Variants in KMT2C observed in about 807,000 individuals in gnomAD.
KMT2C encodes lysine methyltransferase 2C, also known as histone-lysine N-methyltransferase 2C.
KMT2C carries 88 observed loss-of-function variants against 507.9 expected under a neutral mutation model. The observed-to-expected ratio is 0.17, with a 90% CI of 0.15 to 0.21. The LOEUF is 0.21. Ranked by LOEUF, KMT2C falls within the 10% of genes least tolerant of loss-of-function variation. The probability of loss-of-function intolerance (pLI) is 1.00; values close to 1 mark genes in which losing one functional copy is unlikely to be tolerated. For synonymous variants in KMT2C, 2,049 were observed against 2,080.8 expected (o/e 0.98, Z 0.42); for missense variants, 4,954 against 5,957.8 (o/e 0.83, Z 5.55).
At position 152,154,166 on chromosome 7, in the gene KMT2C, A is replaced by G; in HGVS notation, c.12140-20T>C. The G allele has an allele frequency of 6.2e-7, 1 of 1,612,746 alleles. No individual in the cohort carries two copies. Among genetic ancestry groups the G allele is most frequent in the Middle Eastern group, 1.7e-4 (1 of 6,050 alleles). On this transcript the variant is annotated intron_variant, in intron 47 of 58. Coordinates refer to ENST00000262189, the MANE Select transcript of KMT2C (RefSeq NM_170606.3). ...CTGAACCTTTAAAAAGAGAGAAAAAAAAGAGGAAAATAGTGTTAATGGATT... is the reference window on the plus strand; with the variant it reads ...CTGAACCTTTAAAAAGAGAGAAAAAGAAGAGGAAAATAGTGTTAATGGATT...
chr7:152,219,981 C>CAACAGAGCAAGACCCTGT (rs1212787803), intron 23 of KMT2C: 1 of 151,270 alleles, frequency 6.6e-6, no homozygotes, highest in East Asian at 1.9e-4. Context: ...CTAACCTGGG[C>CAACAGAGCAAGACCCTGT]AACAGAGCAA....
In KMT2C at chr7:152,282,234, C is replaced by T. The variant is rs79481096; in HGVS notation, c.850-8367G>A. ...ATCGCTTGAACCCAAGAGGTGGAGG[C>T]TGCAGTGAGCCAAGATTGCGCCACT... is the stretch of plus-strand genomic sequence containing the variant. On this transcript the variant is annotated intron_variant, in intron 6 of 58. Transcript: ENST00000262189. Among the ~76,000 whole-genome samples, 97 of 141,902 alleles carry T rather than the reference C, an allele frequency of 6.8e-4. 1 individual carries two copies. Among genetic ancestry groups the T allele is most frequent in the African/African-American group, 1.8e-3 (71 of 38,848 alleles). The allele number at this position is 141,902 out of a possible 152,430, so 93.1% of individuals were successfully genotyped here. A position where few individuals can be genotyped will look rare whatever the true frequency, so the allele number is the denominator to read the frequency against.
At position 152,220,542 on chromosome 7, in the gene KMT2C, A is replaced by G. The variant is rs138143957; in HGVS notation, c.3693T>C (p.Gly1231=). The G allele has an allele frequency of 3.8e-5, 61 of 1,609,460 alleles. No individual in the cohort carries two copies. The highest frequency in any genetic ancestry group is 5.1e-5 in the Non-Finnish European group (60 of 1,177,600). ...TATTACCTCGACTATCATCCATTTC[A>G]CCATCCCTTGAATGCTCTGATTGGA... ...PDIQSEHSRD[G]EMDDSREGEL... Residue 1231 remains glycine (G), a synonymous_variant, in exon 23 of 59, where the codon GGT becomes GGC. Coordinates refer to ENST00000262189, the MANE Select transcript of KMT2C (RefSeq NM_170606.3).
chr7:152,228,029 G>C (rs549981660), intron 18 of KMT2C, among the ~76,000 whole-genome samples: 1 of 152,262 alleles, frequency 6.6e-6, no homozygotes, highest in East Asian at 1.9e-4. Flanking sequence ...GTTAAAACAA[G>C]TTTAAATAAT....
At chr7:152,149,294 G>T in intron 51 of KMT2C, 142 bp from the exon 52 acceptor site, 1 of 680,012 alleles carries the variant, frequency 1.5e-6, no homozygotes, top group Non-Finnish European at 2.2e-6. Context: ...AGTAAGTGCT[G>T]GGGGCTCATG....
chr7:152,375,086 A>G (rs2097318163), intron 1 of KMT2C, among the ~76,000 whole-genome samples: 1 of 152,210 alleles, frequency 6.6e-6, no homozygotes, highest in Admixed American at 6.5e-5. Flanking sequence ...TCTGCTGCCC[A>G]AACTGGACTG....
intron 2 of KMT2C, among the ~76,000 whole-genome samples, chr7:152,344,015 T>C (rs962634384): frequency 6.6e-6 from 1 of 152,220 alleles, no homozygotes; most frequent in African/African-American, 2.4e-5. Context: ...TTTTTTCTTA[T>C]TAACTGATCT....
chr7:152,193,224 A>G (rs2093858903), intron 31 of KMT2C, among the ~76,000 whole-genome samples: 1 of 152,156 alleles, frequency 6.6e-6, no homozygotes, highest in Non-Finnish European at 1.5e-5. Flanking sequence ...GCCACCATGC[A>G]ACTCCATAAA....
rs2092579437 is a variant in KMT2C at position 152,163,701 on chromosome 7, T to C, written c.9876A>G (p.Pro3292=). The change falls in exon 43 of 59, where the codon CCA becomes CCG. Residue 3292 remains proline, a synonymous_variant. Transcript: ENST00000262189. ...GGCTCATGGTGGGTGGAGTGGCACC[T>C]GGAATTAGGGGTGGCTGGGGCTGGA... is the stretch of plus-strand genomic sequence containing the variant. ...PSVQPQPPLI[P]GATPPTMSQP... is the part of the protein sequence containing the mutation. 1 of 1,613,928 alleles carries C rather than the reference T, an allele frequency of 6.2e-7. No homozygotes were observed. Among genetic ancestry groups the C allele is most frequent in the African/African-American group, 1.3e-5 (1 of 74,886 alleles).
At chr7:152,342,833 C>A (rs1489073223) in intron 2 of KMT2C, among the ~76,000 whole-genome samples, 1 of 152,156 alleles carries the variant, frequency 6.6e-6, no homozygotes, top group Non-Finnish European at 1.5e-5. Flanking sequence ...ACAAGGCCTG[C>A]CTTCAGGAGA....
At chr7:152,373,772 AAG>A (rs1395169907) in intron 1 of KMT2C, among the ~76,000 whole-genome samples, 2 of 152,130 alleles carry the variant, frequency 1.3e-5, no homozygotes, top group East Asian at 1.9e-4. Context: ...CTGTAATAGA[AAG>A]AGATATCAAC....
Position 152,182,002 on chromosome 7 carries a change from C to G in KMT2C, c.5858G>C (p.Cys1953Ser), listed in dbSNP as rs191189760. The G allele has an allele frequency of 6.2e-7, 1 of 1,614,166 alleles. No homozygotes were observed. The highest frequency in any genetic ancestry group is 2.2e-5 in the East Asian group (1 of 44,882). Residue 1953 changes from cysteine (C) to serine (S), a missense_variant, in exon 36 of 59, where the codon TGT (cysteine) becomes TCT (serine). Around this residue, in one of 29 missense-constraint regions of KMT2C, gnomAD observed 1,689 missense variants for 1,654.3 expected, o/e 1.02. Transcript: ENST00000262189. ...GTCATTATTTGTCGTGGAAGAAGAACATAAATCTCTGACAGGGGATGGCCT... is the reference window on the plus strand; with the variant it reads ...GTCATTATTTGTCGTGGAAGAAGAAGATAAATCTCTGACAGGGGATGGCCT... ...ANRPSPVRDL[C>S]SSSTTNNDPY...
At chr7:152,281,097 G>T (rs545386100) in intron 6 of KMT2C, among the ~76,000 whole-genome samples, 13 of 152,062 alleles carry the variant, frequency 8.5e-5, no homozygotes, top group Admixed American at 5.9e-4. Context: ...GTCCCTAATA[G>T]CTATAATCTT....
Position 152,177,155 on chromosome 7 carries a change from C to T in KMT2C, c.8298G>A (p.Met2766Ile), listed in dbSNP as rs1029049751. 5 of 1,613,672 alleles carry T rather than the reference C, an allele frequency of 3.1e-6. No individual in the cohort carries two copies. The Admixed American group carries it at 6.7e-5, about 22-fold the overall frequency. ...IIAYTDPELD[M>I]GDKKSMFNEE... is the part of the protein sequence containing the mutation. Reference sequence around the variant, plus strand: ...CATTAAACATGCTTTTCTTATCTCCCATGTCAAGTTCTGGATCTGTATATG... The same window carrying T: ...CATTAAACATGCTTTTCTTATCTCCTATGTCAAGTTCTGGATCTGTATATG... Residue 2766 changes from methionine to isoleucine, a missense_variant, in exon 38 of 59, where the codon ATG becomes ATA. Transcript: ENST00000262189.
At chr7:152,230,510 T>G (rs572694775) in intron 16 of KMT2C, among the ~76,000 whole-genome samples, 189 bp from the exon 17 acceptor site, 3 of 152,304 alleles carry the variant, frequency 2.0e-5, no homozygotes, top group African/African-American at 7.2e-5. Flanking sequence ...CACCTAATTC[T>G]CTCTTTAGAG....
chr7:152,202,798 A>C, intron 26 of KMT2C, 136 bp downstream of exon 26: 1 of 714,006 alleles, frequency 1.4e-6, no homozygotes, highest in Non-Finnish European at 2.2e-6. Context: ...AAAGGTAAAA[A>C]TGGCATTTAT....
chr7:152,308,673 C>CAAAAAAAA lies in KMT2C; in HGVS notation c.849+1285_849+1292dup, dbSNP rs938826373. ...CTGCACAACACAGCAAAACTCCTCT[C>CAAAAAAAA]AAAAAAAAAAAAAAAAAAAAAAAAA... On this transcript the variant is annotated intron_variant, in intron 6 of 58. Transcript: ENST00000262189. 1.0e-3 allele frequency among the ~76,000 whole-genome samples: 25 copies of CAAAAAAAA among 24,566 alleles called. 3 individuals are homozygous for CAAAAAAAA. Among genetic ancestry groups the CAAAAAAAA allele is most frequent in the African/African-American group, 3.0e-3 (20 of 6,730 alleles). The allele number at this position is 24,566 out of a possible 152,430, so 16.1% of individuals were successfully genotyped here.
intron 3 of KMT2C, among the ~76,000 whole-genome samples, chr7:152,326,799 C>T (rs1190287054): frequency 2.6e-5 from 4 of 151,972 alleles, no homozygotes; most frequent in Non-Finnish European, 4.4e-5. Flanking sequence ...GAGAATCGCG[C>T]GAACCCGGGA....
intron 36 of KMT2C, 48 bp from the exon 37 acceptor site, chr7:152,180,174 C>CTTTTTT: frequency 6.3e-7 from 1 of 1,594,146 alleles, no homozygotes. Flanking sequence ...TAATTAATGG[C>CTTTTTT]TTTTTAAAGG....
Sources: allele counts gnomAD v4.1 joint callset (sites outside exome capture counted in the v4.1 genomes callset), GRCh38; gene constraint gnomAD v4.1.1; regional missense constraint gnomAD v4.1.1; transcripts MANE v1.5; gene names NCBI Gene and HGNC (gene_info 2026-07-23, HGNC 2026-07-21).